Variants in CCDC169 observed in about 807,000 individuals in gnomAD.
CCDC169 encodes the protein coiled-coil domain-containing protein 169.
A neutral mutation model predicts 36.0 loss-of-function variants in CCDC169; 30 were observed. The ratio of observed to expected loss-of-function variants is 0.83; its 90% confidence interval spans 0.62 to 1.13. The LOEUF (loss-of-function observed/expected upper bound fraction) is 1.13. Among genes scored for constraint, CCDC169 ranks in the 50% most tolerant of loss-of-function variants. CCDC169 has a pLI of 0.00. For synonymous variants in CCDC169, 85 were observed against 81.5 expected, an observed-to-expected ratio of 1.04 and a Z score of -0.23; for missense variants, 245 against 245.9, an observed-to-expected ratio of 1.00 and a Z score of 0.03.
At chr13:36,260,685 C>T (rs967670478) in intron 4 of CCDC169, among the ~76,000 whole-genome samples, 2 of 152,182 alleles carry the variant, frequency 1.3e-5, no homozygotes, top group African/African-American at 4.8e-5. Context: ...AATATCCTCA[C>T]AATTCTCCTT....
intron 7 of CCDC169, among the ~76,000 whole-genome samples, chr13:36,239,362 T>C (rs1210316670): frequency 6.6e-6 from 1 of 152,120 alleles, no homozygotes; most frequent in Non-Finnish European, 1.5e-5. Context: ...GGGATCACAA[T>C]ATGGTGTCAG....
chr13:36,275,535 G>A (rs1353020981), intron 4 of CCDC169, among the ~76,000 whole-genome samples: 1 of 152,190 alleles, frequency 6.6e-6, no homozygotes, highest in Non-Finnish European at 1.5e-5. Flanking sequence ...GGCAGTCTCA[G>A]AGATTATAGC....
chr13:36,282,126 ATGT>A lies in CCDC169; in HGVS notation c.315+1340_315+1342del, dbSNP rs1566086699. Among the ~76,000 whole-genome samples the A allele has an allele frequency of 1.8e-3, 274 of 151,860 alleles. 1 individual carries two copies. Among genetic ancestry groups the A allele is most frequent in the African/African-American group, 6.0e-3 (248 of 41,488 alleles). On this transcript the variant is annotated intron_variant, in intron 4 of 7. Coordinates refer to ENST00000239859, the MANE Select transcript of CCDC169 (RefSeq NM_001144981.3). ...AAACTAACACATCAATTTCATAAGT[ATGT>A]CTGTACAGATTACTCCTAAACACTA...
At chr13:36,270,802 CT>C (rs1293936478) in intron 4 of CCDC169, among the ~76,000 whole-genome samples, 3 of 152,050 alleles carry the variant, frequency 2.0e-5, no homozygotes, top group African/African-American at 7.2e-5. Flanking sequence ...CATATAAGAT[CT>C]GAAAGTATAA....
chr13:36,296,357 T>A (rs1879487270), intron 1 of CCDC169, among the ~76,000 whole-genome samples: 1 of 152,176 alleles, frequency 6.6e-6, no homozygotes. Context: ...CCTCCCAAAG[T>A]GCTGGGATTA....
rs562295990 is a variant in CCDC169 at position 36,234,229 on chromosome 13, T to C, written c.546-2937A>G. On this transcript the variant is annotated intron_variant, in intron 7 of 7. Transcript: ENST00000239859. ...CCCATGTATACATATTAAATAAATC[T>C]GTGTGCCTTTTCTCCTATTAATAAA... is the stretch of plus-strand genomic sequence containing the variant. Among the ~76,000 whole-genome samples, 3 of 152,300 alleles carry C rather than the reference T, an allele frequency of 2.0e-5. No homozygotes were observed. In the East Asian group the frequency reaches 5.8e-4, roughly 29 times the overall value.
At chr13:36,236,471 T>A (rs1277386774) in intron 7 of CCDC169, among the ~76,000 whole-genome samples, 1 of 151,972 alleles carries the variant, frequency 6.6e-6, no homozygotes, top group African/African-American at 2.4e-5. Flanking sequence ...ACTGGACGCC[T>A]ACCTCACATC....
downstream of CCDC169, chr13:36,227,298 G>T (rs796513469): frequency 6.4e-7 from 1 of 1,551,416 alleles, no homozygotes; most frequent in East Asian, 2.4e-5. Context: ...CCTATTCTCT[G>T]GTCCAGCCAC....
chr13:36,283,765 T>C, intron 2 of CCDC169, 63 bp from the exon 3 acceptor site: 1 of 1,234,540 alleles, frequency 8.1e-7, no homozygotes. Flanking sequence ...TTCATTAAAA[T>C]AACATTATGA....
chr13:36,287,581 G>A (rs1036116285), intron 2 of CCDC169, among the ~76,000 whole-genome samples: 12 of 152,188 alleles, frequency 7.9e-5, no homozygotes, highest in Non-Finnish European at 1.2e-4. Flanking sequence ...TATGTTCTGC[G>A]TTGTGTCTAG....
intron 2 of CCDC169, among the ~76,000 whole-genome samples, chr13:36,285,606 GATAGATAGATAGATAC>G (rs1328459737): frequency 2.1e-5 from 3 of 139,998 alleles, no homozygotes; most frequent in Non-Finnish European, 4.7e-5. Context: ...TAGATAGATA[GATAGATAGATAGATAC>G]ATAGATACAT....
chr13:36,262,610 C>A (rs567654567), intron 4 of CCDC169, among the ~76,000 whole-genome samples: 5 of 152,314 alleles, frequency 3.3e-5, no homozygotes, highest in African/African-American at 1.2e-4. Context: ...CCTGCCCCAA[C>A]TGAAAGGATA....
chr13:36,284,157 T>A (rs1410591722), intron 2 of CCDC169, among the ~76,000 whole-genome samples: 2 of 151,932 alleles, frequency 1.3e-5, no homozygotes, highest in Non-Finnish European at 2.9e-5. Flanking sequence ...TACATATTTA[T>A]ATATTTATAC....
At chr13:36,240,929 T>C (rs940175295) in intron 7 of CCDC169, among the ~76,000 whole-genome samples, 1 of 152,088 alleles carries the variant, frequency 6.6e-6, no homozygotes, top group South Asian at 2.1e-4. Context: ...GTCCAATTGA[T>C]ATATGTAAAG....
intron 2 of CCDC169, among the ~76,000 whole-genome samples, chr13:36,295,109 T>A (rs1270056595): frequency 6.6e-6 from 1 of 152,222 alleles, no homozygotes; most frequent in Non-Finnish European, 1.5e-5. Context: ...ATGCCTGTTC[T>A]GGAAAGCCTG....
chr13:36,242,131 T>A (rs1871903519), intron 7 of CCDC169, among the ~76,000 whole-genome samples: 2 of 152,216 alleles, frequency 1.3e-5, no homozygotes, highest in African/African-American at 4.8e-5. Context: ...CTTTTCTTCA[T>A]AAATTATCCA....
downstream of CCDC169, among the ~76,000 whole-genome samples, chr13:36,230,356 T>C (rs529902301): frequency 6.6e-6 from 1 of 152,362 alleles, no homozygotes; most frequent in South Asian, 2.1e-4. Context: ...AGTCTAACCA[T>C]GAATGAGAGG....
intron 4 of CCDC169, among the ~76,000 whole-genome samples, chr13:36,278,790 T>A (rs191376522): frequency 5.3e-4 from 80 of 152,322 alleles, no homozygotes; most frequent in African/African-American, 1.9e-3. Flanking sequence ...CATGTGACAC[T>A]TATGACTTGG....
chr13:36,227,259 G>C (rs1869932306), downstream of CCDC169: 1 of 1,551,336 alleles, frequency 6.4e-7, no homozygotes, highest in East Asian at 2.4e-5. Context: ...TAAGCAGGCG[G>C]GCCAGAGTGC....
Sources: gnomAD v4.1 joint callset for allele counts (sites outside exome capture counted in the v4.1 genomes callset) on GRCh38, gnomAD v4.1.1 for gene constraint, MANE v1.5 for transcripts, NCBI Gene and HGNC (gene_info 2026-07-23, HGNC 2026-07-21) for gene names.